Variants in CDH12 observed in about 807,000 individuals in gnomAD.
CDH12 encodes the protein cadherin 12.
Under a neutral mutation model 74.1 loss-of-function variants are expected in CDH12, and 41 were observed. The ratio of observed to expected loss-of-function variants is 0.55; its 90% CI spans 0.43 to 0.72. The LOEUF (loss-of-function observed/expected upper bound fraction) is 0.72, where lower values mean the gene tolerates loss of function less well. Ranked by LOEUF, CDH12 falls within the 30% of genes least tolerant of loss-of-function variation. The pLI, the probability that CDH12 is intolerant of heterozygous loss-of-function variation, is 0.00. For missense variants in CDH12, 945 were observed against 977.2 expected (o/e 0.97, Z 0.44); for synonymous variants, 399 against 355.0 (o/e 1.12, Z -1.39).
intron 1 of CDH12, among the ~76,000 whole-genome samples, chr5:22,533,078 C>T (rs1737665987): frequency 6.6e-6 from 1 of 152,098 alleles, no homozygotes; most frequent in Non-Finnish European, 1.5e-5. Flanking sequence ...GTATTGCACC[C>T]TGTCTTTGTT....
chr5:22,571,125 A>G (rs571892983), intron 1 of CDH12, among the ~76,000 whole-genome samples: 1 of 151,930 alleles, frequency 6.6e-6, no homozygotes, highest in Non-Finnish European at 1.5e-5. Flanking sequence ...GGCTGCTTTG[A>G]TCTATCCAAA....
intron 2 of CDH12, among the ~76,000 whole-genome samples, chr5:22,460,153 T>C (rs1745441865): frequency 2.0e-5 from 3 of 152,192 alleles, no homozygotes; most frequent in Non-Finnish European, 4.4e-5. Context: ...TATCAAACTT[T>C]TAAGAATGAC....
chr5:21,853,691 T>G, intron 7 of CDH12, among the ~76,000 whole-genome samples: 1 of 151,810 alleles, frequency 6.6e-6, no homozygotes, highest in Middle Eastern at 3.4e-3. Context: ...GAAGTATCAA[T>G]TATAAAATGT....
At chr5:22,165,648 GCCAAGA>G (rs1748641666) in intron 4 of CDH12, among the ~76,000 whole-genome samples, 1 of 152,138 alleles carries the variant, frequency 6.6e-6, no homozygotes, top group Admixed American at 6.5e-5. Context: ...GTAAAATAAG[GCCAAGA>G]CCTACGGGGC....
intron 3 of CDH12, among the ~76,000 whole-genome samples, chr5:22,403,155 A>G (rs1580611490): frequency 6.6e-6 from 1 of 152,312 alleles, no homozygotes; most frequent in Non-Finnish European, 1.5e-5. Context: ...CCTACTGGTA[A>G]GTAGATTTCA....
chr5:22,302,265 A>G (rs1408454176), intron 3 of CDH12, among the ~76,000 whole-genome samples: 1 of 152,150 alleles, frequency 6.6e-6, no homozygotes, highest in Non-Finnish European at 1.5e-5. Context: ...GCATGTACAT[A>G]GGCAAATTAG....
At chr5:21,985,109 T>C (rs1032350970) in intron 5 of CDH12, among the ~76,000 whole-genome samples, 2 of 152,198 alleles carry the variant, frequency 1.3e-5, no homozygotes, top group African/African-American at 4.8e-5. Context: ...GCATTGCATT[T>C]GGATTAGTGT....
At chr5:22,636,604 A>G (rs890076567) in intron 1 of CDH12, among the ~76,000 whole-genome samples, 1 of 152,192 alleles carries the variant, frequency 6.6e-6, no homozygotes, top group Non-Finnish European at 1.5e-5. Context: ...TCTATATAAA[A>G]ATGTCTAGAA....
intron 3 of CDH12, among the ~76,000 whole-genome samples, chr5:22,391,924 T>TA (rs1167258809): frequency 6.6e-6 from 1 of 151,992 alleles, no homozygotes; most frequent in Admixed American, 6.6e-5. Flanking sequence ...CACTAAAACA[T>TA]AAAGAAGTTA....
intron 2 of CDH12, among the ~76,000 whole-genome samples, chr5:22,499,684 G>C (rs970601491): frequency 2.0e-5 from 3 of 152,152 alleles, no homozygotes; most frequent in Non-Finnish European, 4.4e-5. Context: ...TTCGTCCCTA[G>C]TATGGGGTGT....
intron 5 of CDH12, among the ~76,000 whole-genome samples, chr5:22,065,438 A>G (rs1319093980): frequency 6.6e-6 from 1 of 152,180 alleles, no homozygotes; most frequent in Non-Finnish European, 1.5e-5. Context: ...GGGGAGTGAG[A>G]AATAACTTGT....
intron 3 of CDH12, among the ~76,000 whole-genome samples, chr5:22,372,523 T>G (rs529600637): frequency 1.3e-5 from 2 of 152,306 alleles, no homozygotes; most frequent in South Asian, 4.1e-4. Flanking sequence ...ACACTCATGC[T>G]GAGTCACCAG....
chr5:22,416,451 T>C (rs1743397479), intron 2 of CDH12, among the ~76,000 whole-genome samples: 1 of 152,216 alleles, frequency 6.6e-6, no homozygotes, highest in African/African-American at 2.4e-5. Context: ...CGTATGGTAA[T>C]GCTCAGAAAG....
rs1313394695 is a variant in CDH12 at position 22,612,957 on chromosome 5, T to A, written c.-522-107593A>T. Among the ~76,000 whole-genome samples the A allele has an allele frequency of 3.3e-5, 5 of 152,136 alleles. No homozygotes were observed. In the East Asian group the frequency reaches 9.6e-4, roughly 29 times the overall value. ...AAGTGAAATTTGAAAAATCTACAGA[T>A]AATGAAGATGGAGTGTAGCAGAGCA... On this transcript the variant is annotated intron_variant, in intron 1 of 14. Transcript: ENST00000382254.
intron 4 of CDH12, among the ~76,000 whole-genome samples, chr5:22,165,477 C>T (rs867613042): frequency 7.5e-6 from 1 of 133,618 alleles, no homozygotes; most frequent in Middle Eastern, 3.6e-3. Flanking sequence ...AGCCTCCCAA[C>T]ACACATACAC....
At chr5:21,938,695 A>G (rs1032199700) in intron 6 of CDH12, among the ~76,000 whole-genome samples, 2 of 141,942 alleles carry the variant, frequency 1.4e-5, no homozygotes, top group African/African-American at 5.2e-5. Context: ...TATATAATAT[A>G]TTTATAATAT....
chr5:22,089,007 G>A (rs1199781736), intron 4 of CDH12, among the ~76,000 whole-genome samples: 1 of 152,152 alleles, frequency 6.6e-6, no homozygotes, highest in East Asian at 1.9e-4. Flanking sequence ...AGACGCAGCA[G>A]TACAATGGTA....
intron 1 of CDH12, among the ~76,000 whole-genome samples, chr5:22,817,154 G>T (rs1411547176): frequency 6.6e-6 from 1 of 151,968 alleles, no homozygotes; most frequent in Admixed American, 6.6e-5. Flanking sequence ...TATTAGAAAT[G>T]TATTATATAA....
intron 2 of CDH12, among the ~76,000 whole-genome samples, chr5:22,453,737 G>T (rs1026418282): frequency 6.6e-6 from 1 of 152,052 alleles, no homozygotes; most frequent in Non-Finnish European, 1.5e-5. Context: ...GATTTTGAGT[G>T]CTCTCACTGC....
Sources: gnomAD v4.1 joint callset for allele counts (sites outside exome capture counted in the v4.1 genomes callset) on GRCh38, gnomAD v4.1.1 for gene constraint, MANE v1.5 for transcripts, NCBI Gene and HGNC (gene_info 2026-07-23, HGNC 2026-07-21) for gene names.